RGS7: variants seen among roughly 807,000 people sequenced by gnomAD.
The protein encoded by RGS7 is regulator of G protein signaling 7.
A neutral mutation model predicts 81.1 loss-of-function variants in RGS7; 27 were observed. That is an observed-to-expected ratio of 0.33 (90% CI 0.25 to 0.46). RGS7 has a LOEUF of 0.46. Ranked by LOEUF, RGS7 falls within the 20% of genes least tolerant of loss-of-function variation. The pLI is 1.00. For synonymous variants in RGS7, 208 were observed against 207.7 expected, an observed-to-expected ratio of 1.00 and a Z score of -0.01; for missense variants, 396 against 607.4, an observed-to-expected ratio of 0.65 and a Z score of 3.66.
chr1:241,016,325 C>T (rs1345887423), intron 3 of RGS7, among the ~76,000 whole-genome samples: 4 of 152,088 alleles, frequency 2.6e-5, no homozygotes, highest in African/African-American at 7.2e-5. Flanking sequence ...CAAGACCATC[C>T]TGGCCAACAT....
intron 3 of RGS7, among the ~76,000 whole-genome samples, chr1:241,023,834 C>T (rs1320623409): frequency 6.6e-6 from 1 of 152,212 alleles, no homozygotes; most frequent in African/African-American, 2.4e-5. Context: ...CAACCTCAGC[C>T]TCCTGGGTTC....
intron 2 of RGS7, among the ~76,000 whole-genome samples, chr1:241,255,458 G>A (rs760356054): frequency 3.9e-5 from 6 of 152,166 alleles, no homozygotes; most frequent in Non-Finnish European, 7.4e-5. Context: ...TCCATGACAG[G>A]AAATCCTACC....
chr1:240,932,201 G>C (rs1473874248), intron 5 of RGS7, among the ~76,000 whole-genome samples: 1 of 152,034 alleles, frequency 6.6e-6, no homozygotes, highest in Non-Finnish European at 1.5e-5. Context: ...CATCACCCAG[G>C]GATTTCAACT....
chr1:241,026,359 G>A (rs1317553953), intron 3 of RGS7, among the ~76,000 whole-genome samples: 3 of 152,102 alleles, frequency 2.0e-5, no homozygotes, highest in Non-Finnish European at 2.9e-5. Context: ...AAGCCGAGGC[G>A]GGTGGATCAC....
intron 6 of RGS7, among the ~76,000 whole-genome samples, chr1:240,924,576 C>T (rs1409038958): frequency 5.9e-5 from 9 of 152,202 alleles, no homozygotes; most frequent in Non-Finnish European, 1.3e-4. Context: ...ATCTCTCCCA[C>T]ACACATCTCT....
intron 2 of RGS7, among the ~76,000 whole-genome samples, chr1:241,316,472 A>G (rs936711475): frequency 3.9e-5 from 6 of 152,214 alleles, no homozygotes; most frequent in Non-Finnish European, 1.5e-5. Context: ...TCAACTCATT[A>G]GCATAAAGAG....
chr1:240,831,366 C>G (rs915083583), intron 9 of RGS7, among the ~76,000 whole-genome samples: 46 of 152,110 alleles, frequency 3.0e-4, no homozygotes, highest in African/African-American at 1.0e-3. Flanking sequence ...TAACTGCTTT[C>G]AGAAGTCATG....
intron 10 of RGS7, among the ~76,000 whole-genome samples, chr1:240,823,941 T>TA (rs950489934): frequency 1.1e-4 from 17 of 151,908 alleles, no homozygotes; most frequent in African/African-American, 3.1e-4. Flanking sequence ...CCTTCAAACT[T>TA]ACTTAGATTA....
At chr1:241,245,335 G>A (rs1157518471) in intron 2 of RGS7, among the ~76,000 whole-genome samples, 1 of 151,412 alleles carries the variant, frequency 6.6e-6, no homozygotes, top group Non-Finnish European at 1.5e-5. Flanking sequence ...AAAGTGTATA[G>A]CACCTCCCCA....
intron 6 of RGS7, among the ~76,000 whole-genome samples, chr1:240,909,884 C>T (rs1005624028): frequency 3.3e-5 from 5 of 152,156 alleles, no homozygotes; most frequent in Non-Finnish European, 7.3e-5. Context: ...AGTGCAGCCA[C>T]CTGTGTATTG....
chr1:241,089,256 G>A (rs1238736186), intron 3 of RGS7, among the ~76,000 whole-genome samples: 1 of 150,676 alleles, frequency 6.6e-6, no homozygotes, highest in East Asian at 1.9e-4. Flanking sequence ...AGCAAGAGAG[G>A]AAGTGATACC....
intron 3 of RGS7, among the ~76,000 whole-genome samples, chr1:241,038,906 G>A (rs1399392743): frequency 2.6e-5 from 4 of 152,124 alleles, no homozygotes; most frequent in Admixed American, 2.6e-4. Flanking sequence ...GTTTAAGGGT[G>A]CAGTGAGCTG....
chr1:240,893,259 G>T (rs1324645961), intron 6 of RGS7, among the ~76,000 whole-genome samples: 1 of 152,122 alleles, frequency 6.6e-6, no homozygotes, highest in Non-Finnish European at 1.5e-5. Context: ...AACTTTCTAC[G>T]TGACTCAGTT....
intron 3 of RGS7, among the ~76,000 whole-genome samples, chr1:241,020,800 T>G (rs868667853): frequency 2.6e-5 from 4 of 152,148 alleles, no homozygotes; most frequent in Non-Finnish European, 5.9e-5. Flanking sequence ...ATAGAATAGA[T>G]TCCACAATAC....
At chr1:240,944,860 T>C (rs1018243626) in intron 4 of RGS7, among the ~76,000 whole-genome samples, 1 of 152,204 alleles carries the variant, frequency 6.6e-6, no homozygotes, top group Non-Finnish European at 1.5e-5. Flanking sequence ...ACTACAGGCA[T>C]GCGCCACCAC....
At chr1:240,774,960 A>G (rs1346855751), downstream of RGS7, among the ~76,000 whole-genome samples, 2 of 152,242 alleles carry the variant, frequency 1.3e-5, no homozygotes, top group Admixed American at 6.5e-5. Context: ...GGGAGGATTT[A>G]CGTAGTTTAT....
At chr1:241,092,880 A>C (rs900203759) in intron 3 of RGS7, among the ~76,000 whole-genome samples, 2 of 152,178 alleles carry the variant, frequency 1.3e-5, no homozygotes, top group Non-Finnish European at 2.9e-5. Flanking sequence ...AACAATTAGA[A>C]GACAAAGAAA....
At chr1:241,218,829 T>C (rs1558200446) in intron 2 of RGS7, among the ~76,000 whole-genome samples, 2 of 152,062 alleles carry the variant, frequency 1.3e-5, no homozygotes, top group Admixed American at 1.3e-4. Context: ...TTTGTATTTT[T>C]AGTAGAGATG....
intron 14 of RGS7, 111 bp downstream of exon 14, chr1:240,811,807 G>C: frequency 2.0e-6 from 2 of 1,004,238 alleles, no homozygotes; most frequent in Non-Finnish European, 3.2e-6. Context: ...ATGGGTTCAT[G>C]ACATCATTAT....
Sources: allele counts gnomAD v4.1 joint callset (sites outside exome capture counted in the v4.1 genomes callset), GRCh38; gene constraint gnomAD v4.1.1; transcripts MANE v1.5; gene names NCBI Gene and HGNC (gene_info 2026-07-23, HGNC 2026-07-21).